The following TMEM117 variants were observed in gnomAD, a reference collection of about 807,000 sequenced individuals.
TMEM117 encodes transmembrane protein 117.
Under a neutral mutation model 52.4 loss-of-function variants are expected in TMEM117, and 27 were observed. The ratio of observed to expected loss-of-function variants is 0.51; its 90% CI spans 0.38 to 0.71. The LOEUF is 0.71. TMEM117 is among the 30% of genes least tolerant of loss of function. The pLI is 0.00. For synonymous variants in TMEM117, 215 were observed against 206.3 expected, an observed-to-expected ratio of 1.04 and a Z score of -0.36; for missense variants, 556 against 630.5, an observed-to-expected ratio of 0.88 and a Z score of 1.26.
chr12:43,953,961 A>C (rs1945265620), intron 3 of TMEM117, among the ~76,000 whole-genome samples: 1 of 152,248 alleles, frequency 6.6e-6, no homozygotes. Context: ...AGTCTCTCAG[A>C]CCACAGTGAA....
chr12:44,296,910 T>G (rs1159279711), intron 5 of TMEM117, among the ~76,000 whole-genome samples: 1 of 152,218 alleles, frequency 6.6e-6, no homozygotes. Context: ...TGAGGCTGTT[T>G]CTGGGTCTGT....
chr12:44,280,052 T>C (rs1450242842), intron 5 of TMEM117, among the ~76,000 whole-genome samples: 1 of 152,176 alleles, frequency 6.6e-6, no homozygotes, highest in East Asian at 1.9e-4. Flanking sequence ...GCAGTAATAT[T>C]CAAGATTCTA....
chr12:44,224,619 G>A (rs1345366144), intron 5 of TMEM117, among the ~76,000 whole-genome samples: 1 of 152,088 alleles, frequency 6.6e-6, no homozygotes, highest in African/African-American at 2.4e-5. Flanking sequence ...GAAAGCATGT[G>A]AAGCAGGATG....
At chr12:43,877,890 A>AACACACAC (rs369405497) in intron 2 of TMEM117, among the ~76,000 whole-genome samples, 2,159 of 143,068 alleles carry the variant, frequency 0.015, 18 homozygotes, top group African/African-American at 0.025. Context: ...GTAAAAACAA[A>AACACACAC]ACACACACAC....
chr12:43,938,422 T>A (rs1944989012), intron 2 of TMEM117, among the ~76,000 whole-genome samples: 1 of 151,958 alleles, frequency 6.6e-6, no homozygotes, highest in Non-Finnish European at 1.5e-5. Context: ...AAAAGCGTTA[T>A]CTTTTCATCC....
At chr12:43,877,601 C>T (rs1943820903) in intron 2 of TMEM117, among the ~76,000 whole-genome samples, 1 of 149,914 alleles carries the variant, frequency 6.7e-6, no homozygotes, top group Non-Finnish European at 1.5e-5. Flanking sequence ...TGTCACTGCA[C>T]TCCAGCCCGG....
intron 2 of TMEM117, among the ~76,000 whole-genome samples, chr12:43,917,230 C>CAA (rs10602069): frequency 4.9e-5 from 5 of 102,152 alleles, no homozygotes; most frequent in African/African-American, 1.5e-4. Context: ...CTCATCTCTA[C>CAA]AAAAAAAAAA....
intron 5 of TMEM117, among the ~76,000 whole-genome samples, chr12:44,254,158 G>A (rs1226351575): frequency 2.0e-5 from 3 of 151,666 alleles, no homozygotes; most frequent in Non-Finnish European, 4.4e-5. Flanking sequence ...AGCCTAAAAG[G>A]AAAAATCACC....
intron 2 of TMEM117, among the ~76,000 whole-genome samples, chr12:43,886,718 T>C (rs965415863): frequency 3.3e-5 from 5 of 152,186 alleles, no homozygotes; most frequent in Non-Finnish European, 7.3e-5. Context: ...TTGTACACGT[T>C]ATTTCATTAG....
At chr12:43,834,420 C>T (rs1433985317), upstream of TMEM117, among the ~76,000 whole-genome samples, 1 of 152,188 alleles carries the variant, frequency 6.6e-6, no homozygotes, top group African/African-American at 2.4e-5. Context: ...GATTTAATCT[C>T]TGCCCTTGAA....
chr12:43,797,051 C>G, the TMEM117 span: 3 of 1,611,048 alleles, frequency 1.9e-6, no homozygotes, highest in Non-Finnish European at 2.5e-6. Flanking sequence ...AATACAGCAT[C>G]CGCTCTCTTA....
intron 3 of TMEM117, among the ~76,000 whole-genome samples, chr12:44,023,879 G>T (rs1377674443): frequency 6.6e-6 from 1 of 151,048 alleles, no homozygotes; most frequent in Non-Finnish European, 1.5e-5. Flanking sequence ...CGAGTTAATG[G>T]GTACAGCACA....
chr12:44,301,933 C>G (rs1484919343), intron 6 of TMEM117, among the ~76,000 whole-genome samples: 1 of 152,094 alleles, frequency 6.6e-6, no homozygotes, highest in Non-Finnish European at 1.5e-5. Flanking sequence ...GGCTATAACT[C>G]CAAATTAGTA....
chr12:44,330,246 C>A (rs984757610), intron 6 of TMEM117, among the ~76,000 whole-genome samples: 7 of 151,610 alleles, frequency 4.6e-5, no homozygotes, highest in South Asian at 4.2e-4. Flanking sequence ...TAATGAGGAA[C>A]CTTTTTTAAA....
chr12:44,262,415 A>G (rs1950330615), intron 5 of TMEM117, among the ~76,000 whole-genome samples: 1 of 152,216 alleles, frequency 6.6e-6, no homozygotes, highest in Admixed American at 6.5e-5. Context: ...TTCTGGTAGA[A>G]CCAGTAAAAC....
rs562097309 is a variant in TMEM117, at chr12:44,125,039, G to C, written c.411-18486G>C. Among the ~76,000 whole-genome samples, 4 of 152,204 alleles carry C rather than the reference G, an allele frequency of 2.6e-5. 1 individual carries two copies. Among genetic ancestry groups the C allele is most frequent in the African/African-American group, 9.6e-5 (4 of 41,530 alleles). ...ATTCAGCTGTGAATCTGTCTGTCCT[G>C]GGCTTTTTTGTTTGGTAGTCTATTT... On this transcript the variant is annotated intron_variant, in intron 3 of 7. Transcript: ENST00000266534.
chr12:43,875,087 C>T lies in TMEM117; in HGVS notation c.277+30159C>T, dbSNP rs76725361. Among the ~76,000 whole-genome samples the T allele has an allele frequency of 9.1e-3, 1,384 of 152,206 alleles. 19 individuals are homozygous for T. The highest frequency in any genetic ancestry group is 0.03 in the African/African-American group (1,250 of 41,520). On this transcript the variant is annotated intron_variant, in intron 2 of 7. Transcript: ENST00000266534. ...GGTTAGCCTCTATAATTTTGAGCTG[C>T]AAGTAATAGATACAAGTCGCCCAAA...
chr12:43,953,557 G>A (rs377455707), intron 3 of TMEM117, among the ~76,000 whole-genome samples: 23 of 152,142 alleles, frequency 1.5e-4, no homozygotes, highest in African/African-American at 4.6e-4. Flanking sequence ...ACAAAAAAGG[G>A]CATTACATAA....
At chr12:44,392,678 C>A (rs1305188073), downstream of TMEM117, among the ~76,000 whole-genome samples, 1 of 143,450 alleles carries the variant, frequency 7.0e-6, no homozygotes, top group African/African-American at 2.5e-5. Flanking sequence ...CCCCCCTCCC[C>A]CCACCCCACG....
Sources: allele counts gnomAD v4.1 joint callset (sites outside exome capture counted in the v4.1 genomes callset), GRCh38; gene constraint gnomAD v4.1.1; transcripts MANE v1.5; gene names NCBI Gene and HGNC (gene_info 2026-07-23, HGNC 2026-07-21).